The following ARF3 variants were observed in gnomAD, a reference collection of about 807,000 sequenced individuals.
ARF3 encodes the protein ARF GTPase 3, also known as ADP-ribosylation factor 3.
ARF3 carries 5 observed loss-of-function variants against 19.3 expected under a neutral mutation model. The ratio of observed to expected loss-of-function variants is 0.26; its 90% CI spans 0.14 to 0.54. The LOEUF is 0.54. Ranked by LOEUF, ARF3 falls within the 20% of genes least tolerant of loss-of-function variation. The pLI is 0.95. For synonymous variants in ARF3, 71 were observed against 89.2 expected (o/e 0.80, Z 1.15); for missense variants, 77 against 234.2 (o/e 0.33, Z 4.38).
chr12:48,956,762 C>T (rs1940576266), intron 1 of ARF3, among the ~76,000 whole-genome samples: 1 of 152,126 alleles, frequency 6.6e-6, no homozygotes, highest in African/African-American at 2.4e-5. Flanking sequence ...CAACCTCTAC[C>T]ACAATAGCGC....
At chr12:48,954,742 A>T (rs1183146536) in intron 1 of ARF3, among the ~76,000 whole-genome samples, 2 of 152,184 alleles carry the variant, frequency 1.3e-5, no homozygotes, top group Non-Finnish European at 2.9e-5. Context: ...AGGAGAGTTC[A>T]GGCATGGTGG....
Position 48,939,070 on chromosome 12 carries a change from G to A in ARF3, c.423C>T (p.Asp141=). The A allele has an allele frequency of 6.2e-7, 1 of 1,614,188 alleles. No individual in the cohort carries two copies. Among genetic ancestry groups the A allele is most frequent in the South Asian group, 1.1e-5 (1 of 91,088 alleles). ...PNAMNAAEIT[D]KLGLHSLRHR... is the part of the protein sequence containing the mutation. ...GACGAAGGGAATGCAGGCCCAGCTTGTCTGTGATCTCAGCAGCGTTCATAG... is the reference window on the plus strand; with the variant it reads ...GACGAAGGGAATGCAGGCCCAGCTTATCTGTGATCTCAGCAGCGTTCATAG... The change falls in exon 5 of 5, where the codon GAC becomes GAT. Residue 141 remains aspartate, a synonymous_variant. Transcript: ENST00000256682. The surrounding 1 kb of genome is among the most constrained non-coding windows in gnomAD (Gnocchi z 4.8).
Position 48,939,831 on chromosome 12 carries a change from C to G in ARF3, c.260-52G>C, listed in dbSNP as rs141355399. On this transcript the variant is annotated intron_variant, in intron 3 of 4. Transcript: ENST00000256682. The surrounding 1 kb of genome is among the most constrained non-coding windows in gnomAD (Gnocchi z 4.8). ...TAAGATGACAGGTAACCCCCTCCCC[C>G]CAACCAAAAGACCACACCTGCCTGA... 5.0e-5 allele frequency: 80 copies of G among 1,610,912 alleles called. No individual in the cohort carries two copies. In the East Asian group the frequency reaches 1.1e-3, roughly 22 times the overall value.
chr12:48,951,255 C>T (rs994258174), intron 1 of ARF3, among the ~76,000 whole-genome samples: 1 of 152,226 alleles, frequency 6.6e-6, no homozygotes, highest in African/African-American at 2.4e-5. Context: ...ACCTGCCTGA[C>T]ATTTCAACAT....
intron 1 of ARF3, among the ~76,000 whole-genome samples, chr12:48,941,877 C>CTTTTACTTTTACTTT (rs1459864167): frequency 6.6e-6 from 1 of 151,994 alleles, no homozygotes; most frequent in Non-Finnish European, 1.5e-5. Context: ...TATGGCGGGG[C>CTTTTACTTTTACTTT]TACCCCTTTA....
rs1489052470 is a variant in ARF3, at chr12:48,936,251, G to A, written c.*2696C>T. Reference sequence around the variant, plus strand: ...ATTTCCAACCAGGGTCACAGTCATCGCGTTATCCCACATTTTGAGCAAGGA... The same window carrying A: ...ATTTCCAACCAGGGTCACAGTCATCACGTTATCCCACATTTTGAGCAAGGA... On this transcript the variant is annotated 3_prime_UTR_variant, in exon 5 of 5. Coordinates refer to ENST00000256682, the MANE Select transcript of ARF3 (RefSeq NM_001659.3). 4 of 152,634 alleles carry A rather than the reference G, an allele frequency of 2.6e-5. No individual in the cohort carries two copies. Among genetic ancestry groups the A allele is most frequent in the Admixed American group, 1.3e-4 (2 of 15,276 alleles). 9.5% of individuals were successfully genotyped at this position (152,634 alleles called of 1,614,324 possible).
intron 1 of ARF3, among the ~76,000 whole-genome samples, chr12:48,946,275 T>C (rs1433113505): frequency 6.6e-6 from 1 of 152,228 alleles, no homozygotes; most frequent in Non-Finnish European, 1.5e-5. Context: ...AATCTCTGGC[T>C]ATACAGCCTA....
chr12:48,940,462 G>A, intron 2 of ARF3, among the ~76,000 whole-genome samples: 1 of 152,104 alleles, frequency 6.6e-6, no homozygotes. Flanking sequence ...TAAGATGTGG[G>A]GCCTGAGAGG....
chr12:48,950,843 T>C (rs1466213873), intron 1 of ARF3, among the ~76,000 whole-genome samples: 1 of 152,062 alleles, frequency 6.6e-6, no homozygotes, highest in African/African-American at 2.4e-5. Flanking sequence ...TAGAGTGCAA[T>C]GGCGCAATCT....
intron 1 of ARF3, among the ~76,000 whole-genome samples, chr12:48,946,546 G>A (rs1445122844): frequency 1.3e-5 from 2 of 152,174 alleles, no homozygotes; most frequent in East Asian, 1.9e-4. Context: ...ATATCTGCAG[G>A]TTCTGTTTTA....
chr12:48,941,871 G>C, intron 1 of ARF3, among the ~76,000 whole-genome samples: 1 of 152,206 alleles, frequency 6.6e-6, no homozygotes, highest in East Asian at 1.9e-4. Flanking sequence ...GTGGGGTATG[G>C]CGGGGCTACC....
chr12:48,940,878 G>A (rs1940244141), intron 2 of ARF3, 70 bp downstream of exon 2: 7 of 1,471,294 alleles, frequency 4.8e-6, no homozygotes, highest in South Asian at 1.4e-5. Flanking sequence ...CCAGGTTGGG[G>A]AACCAGGAAT....
Position 48,938,523 on chromosome 12 carries a change from G to C in ARF3, c.*424C>G, listed in dbSNP as rs1017532134. 2.2e-6 allele frequency: 1 copy of C among 452,958 alleles called. No individual in the cohort carries two copies. 28.1% of individuals were successfully genotyped at this position (452,958 alleles called of 1,614,324 possible). On this transcript the variant is annotated 3_prime_UTR_variant, in exon 5 of 5. Transcript: ENST00000256682. ...ACAGAGAGGCCCGTGCAATTTCCAT[G>C]TAAAACAGGGAGAGGGTGGCAAAGG... is the stretch of plus-strand genomic sequence containing the variant.
chr12:48,939,508 G>T lies in ARF3; in HGVS notation c.384+147C>A. ...AGCTTGGGGTGGGGCACAAGAAGAG[G>T]GGCATAAAGAAGCCAAGTGCTCAGT... On this transcript the variant is annotated intron_variant, in intron 4 of 4. Coordinates refer to ENST00000256682, the MANE Select transcript of ARF3 (RefSeq NM_001659.3). The surrounding 1 kb of genome is among the most constrained non-coding windows in gnomAD (Gnocchi z 4.8). 9.7e-7 allele frequency: 1 copy of T among 1,028,024 alleles called. No homozygotes were observed. The highest frequency in any genetic ancestry group is 1.4e-6 in the Non-Finnish European group (1 of 705,468). The allele number at this position is 1,028,024 out of a possible 1,614,324, so 63.7% of individuals were successfully genotyped here. A position where few individuals can be genotyped will look rare whatever the true frequency, so the allele number is the denominator to read the frequency against.
intron 1 of ARF3, among the ~76,000 whole-genome samples, chr12:48,950,256 C>T (rs1250197811): frequency 1.3e-5 from 2 of 151,562 alleles, no homozygotes; most frequent in African/African-American, 2.4e-5. Context: ...AGTGCAGTGG[C>T]GTGATAGTGG....
At chr12:48,953,468 T>C (rs1940503674) in intron 1 of ARF3, among the ~76,000 whole-genome samples, 1 of 152,170 alleles carries the variant, frequency 6.6e-6, no homozygotes, top group Non-Finnish European at 1.5e-5. Context: ...AATGCTCTCC[T>C]ACATCTTAAG....
In ARF3 at chr12:48,939,067, C is replaced by G; in HGVS notation, c.426G>C (p.Lys142Asn). 1 of 1,614,170 alleles carries G rather than the reference C, an allele frequency of 6.2e-7. No homozygotes were observed. Among genetic ancestry groups the G allele is most frequent in the Non-Finnish European group, 8.5e-7 (1 of 1,180,042 alleles). ...GGTGACGAAGGGAATGCAGGCCCAGCTTGTCTGTGATCTCAGCAGCGTTCA... is the reference window on the plus strand; with the variant it reads ...GGTGACGAAGGGAATGCAGGCCCAGGTTGTCTGTGATCTCAGCAGCGTTCA... The part of the protein sequence containing the change: ...NAMNAAEITD[K>N]LGLHSLRHRN... Residue 142 changes from lysine (K) to asparagine (N), a missense_variant, in exon 5 of 5, where the codon AAG becomes AAC. Around this residue, in one of 3 missense-constraint regions of ARF3, gnomAD observed 53 missense variants for 121.2 expected, o/e 0.44. Transcript: ENST00000256682. The surrounding 1 kb of genome is among the most constrained non-coding windows in gnomAD (Gnocchi z 4.8).
intron 1 of ARF3, among the ~76,000 whole-genome samples, chr12:48,951,424 G>A (rs1940468005): frequency 6.6e-6 from 1 of 151,896 alleles, no homozygotes; most frequent in Admixed American, 6.6e-5. Flanking sequence ...GCTGGGCATG[G>A]TGGGGCATTC....
At chr12:48,940,792 C>T (rs1363704547) in intron 2 of ARF3, among the ~76,000 whole-genome samples, 156 bp downstream of exon 2, 3 of 152,210 alleles carry the variant, frequency 2.0e-5, no homozygotes, top group Non-Finnish European at 4.4e-5. Flanking sequence ...AGCCTCAGCA[C>T]CTGGTAGTAA....
Sources: allele counts gnomAD v4.1 joint callset (sites outside exome capture counted in the v4.1 genomes callset), GRCh38; gene constraint gnomAD v4.1.1; regional missense constraint gnomAD v4.1.1; non-coding constraint Gnocchi (gnomAD v3.1); transcripts MANE v1.5; gene names NCBI Gene and HGNC (gene_info 2026-07-23, HGNC 2026-07-21).